Variants in PARD6G observed in about 807,000 individuals in gnomAD.
The protein encoded by PARD6G is partitioning defective 6 homolog gamma.
In PARD6G, 7 loss-of-function variants were observed where a neutral mutation model predicts 10.7. That is an observed-to-expected ratio of 0.66 (90% confidence interval 0.37 to 1.23). The LOEUF is 1.23. Ranked by LOEUF, PARD6G falls within the 50% of genes most tolerant of loss-of-function variation. The pLI, the probability that PARD6G is intolerant of heterozygous loss-of-function variation, is 0.02. For synonymous variants in PARD6G, 287 were observed against 269.4 expected (o/e 1.07, Z -0.64); for missense variants, 548 against 571.8 (o/e 0.96, Z 0.42).
intron 1 of PARD6G, among the ~76,000 whole-genome samples, chr18:80,209,613 C>G (rs914813852): frequency 6.6e-6 from 1 of 152,128 alleles, no homozygotes; most frequent in African/African-American, 2.4e-5. Context: ...GAGTTTGATA[C>G]CAGCCTGGGC....
At position 80,195,423 on chromosome 18, in the gene PARD6G, C is replaced by T. The variant is rs572160657; in HGVS notation, c.295+7287G>A. On this transcript the variant is annotated intron_variant, in intron 2 of 2. Coordinates refer to ENST00000353265, the MANE Select transcript of PARD6G (RefSeq NM_032510.4). ...TACCTGGCCCCCCTCGGTGCTATTC[C>T]GGCAGGAAAGCAGCCTCCCCCTGCA... Among the ~76,000 whole-genome samples, 11 of 151,540 alleles carry T rather than the reference C, an allele frequency of 7.3e-5. No homozygotes were observed. The South Asian group carries it at 8.4e-4, about 12-fold the overall frequency.
chr18:80,222,547 A>C (rs1967243248), intron 1 of PARD6G, among the ~76,000 whole-genome samples: 1 of 152,186 alleles, frequency 6.6e-6, no homozygotes, highest in Non-Finnish European at 1.5e-5. Context: ...AAAACGAAAA[A>C]CATAGTTGAA....
chr18:80,202,379 G>A lies in PARD6G; in HGVS notation c.295+331C>T, dbSNP rs1005520625. Among the ~76,000 whole-genome samples, 4 of 152,162 alleles carry A rather than the reference G, an allele frequency of 2.6e-5. 1 individual carries two copies. Among genetic ancestry groups the A allele is most frequent in the Non-Finnish European group, 4.4e-5 (3 of 68,038 alleles). ...TCCCTCCTCCTAACAAGATGATGGA[G>A]GGCATGCACCGTAACCCCAAGTTTC... On this transcript the variant is annotated intron_variant, in intron 2 of 2. Coordinates refer to ENST00000353265, the MANE Select transcript of PARD6G (RefSeq NM_032510.4).
At chr18:80,242,361 G>A (rs1036011548) in intron 1 of PARD6G, among the ~76,000 whole-genome samples, 28 of 152,192 alleles carry the variant, frequency 1.8e-4, no homozygotes, top group African/African-American at 6.8e-4. Flanking sequence ...GCCACCCAAT[G>A]GGGAGGCCTG....
At chr18:80,193,942 A>G (rs1316865001) in intron 2 of PARD6G, among the ~76,000 whole-genome samples, 1 of 152,224 alleles carries the variant, frequency 6.6e-6, no homozygotes, top group African/African-American at 2.4e-5. Flanking sequence ...GATGTGCTGC[A>G]CATGGTGACC....
chr18:80,180,072 G>A lies in PARD6G; in HGVS notation c.296-19466C>T, dbSNP rs554573754. On this transcript the variant is annotated intron_variant, in intron 2 of 2. Coordinates refer to ENST00000353265, the MANE Select transcript of PARD6G (RefSeq NM_032510.4). This position sits in a 1 kb window ranked among gnomAD's most constrained non-coding sequence, Gnocchi z 5.6. ...CGAAAGTTCAGTGGTCTGCAGAGAG[G>A]AGAGGAAAGGGGAAGCTGAATGTCC... is the stretch of plus-strand genomic sequence containing the variant. Among the ~76,000 whole-genome samples, 1 of 152,362 alleles carries A rather than the reference G, an allele frequency of 6.6e-6. No individual in the cohort carries two copies. Among genetic ancestry groups the A allele is most frequent in the African/African-American group, 2.4e-5 (1 of 41,594 alleles).
At chr18:80,164,900 A>G (rs2052725106) in intron 2 of PARD6G, among the ~76,000 whole-genome samples, 1 of 152,200 alleles carries the variant, frequency 6.6e-6, no homozygotes, top group Non-Finnish European at 1.5e-5. Context: ...ACGTACTAAT[A>G]ACGGTCTAAC....
At chr18:80,221,510 A>G (rs1299016432) in intron 1 of PARD6G, among the ~76,000 whole-genome samples, 2 of 152,220 alleles carry the variant, frequency 1.3e-5, no homozygotes, top group Non-Finnish European at 2.9e-5. Context: ...ACACTCTTTT[A>G]TGATTAAAAA....
chr18:80,181,824 TGAAGC>T lies in PARD6G; in HGVS notation c.295+20881_295+20885del, dbSNP rs1427327482. On this transcript the variant is annotated intron_variant, in intron 2 of 2. Coordinates refer to ENST00000353265, the MANE Select transcript of PARD6G (RefSeq NM_032510.4). The surrounding 1 kb of genome is among the most constrained non-coding windows in gnomAD (Gnocchi z 7.9). Reference sequence around the variant, plus strand: ...GCATGTGTGGGGACAGGCAGCTGGATGAAGCACCTCAGAGATCCACTGCCCAAGGC... The same window carrying T: ...GCATGTGTGGGGACAGGCAGCTGGATACCTCAGAGATCCACTGCCCAAGGC... Among the ~76,000 whole-genome samples, 1 of 152,036 alleles carries T rather than the reference TGAAGC, an allele frequency of 6.6e-6. No individual in the cohort carries two copies. The highest frequency in any genetic ancestry group is 1.9e-4 in the East Asian group (1 of 5,176).
intron 1 of PARD6G, among the ~76,000 whole-genome samples, chr18:80,230,492 C>T (rs532743398): frequency 6.6e-6 from 1 of 152,326 alleles, no homozygotes; most frequent in South Asian, 2.1e-4. Context: ...TGAGGTGGAG[C>T]CTGGCGCCTG....
At chr18:80,242,778 A>G (rs1967504644) in intron 1 of PARD6G, among the ~76,000 whole-genome samples, 1 of 152,248 alleles carries the variant, frequency 6.6e-6, no homozygotes, top group African/African-American at 2.4e-5. Context: ...ATACACAAAT[A>G]GCCAATAAAT....
At chr18:80,209,896 C>G (rs1489537143) in intron 1 of PARD6G, among the ~76,000 whole-genome samples, 2 of 152,190 alleles carry the variant, frequency 1.3e-5, no homozygotes, top group Non-Finnish European at 2.9e-5. Flanking sequence ...CATCATTATA[C>G]TATAAATAGA....
intron 1 of PARD6G, among the ~76,000 whole-genome samples, chr18:80,209,257 T>C (rs944452408): frequency 3.3e-5 from 5 of 152,160 alleles, no homozygotes; most frequent in Admixed American, 2.6e-4. Context: ...TATGTAAGCC[T>C]ATGAATCCCA....
chr18:80,247,179 CT>C lies in PARD6G; in HGVS notation c.72+97del, dbSNP rs1488098992. ...CGAACTGGAAAGTTGTCGCCGGCGC[CT>C]GTCGCCTCCACGCCGCCCCAGTCCC... On this transcript the variant is annotated intron_variant, in intron 1 of 2. Coordinates refer to ENST00000353265, the MANE Select transcript of PARD6G (RefSeq NM_032510.4). The surrounding 1 kb of genome is among the most constrained non-coding windows in gnomAD (Gnocchi z 4.2). 1.0e-6 allele frequency: 1 copy of C among 965,150 alleles called. No individual in the cohort carries two copies. Among genetic ancestry groups the C allele is most frequent in the African/African-American group, 1.7e-5 (1 of 57,264 alleles). The allele number at this position is 965,150 out of a possible 1,614,324, so 59.8% of individuals were successfully genotyped here.
chr18:80,171,797 A>T (rs1286592673), intron 2 of PARD6G: 1 of 152,190 alleles, frequency 6.6e-6, no homozygotes, highest in Non-Finnish European at 1.5e-5. Flanking sequence ...TTGTATAAGG[A>T]GTTCAGTATT....
chr18:80,246,655 C>G lies in PARD6G; in HGVS notation c.72+622G>C, dbSNP rs1162760451. On this transcript the variant is annotated intron_variant, in intron 1 of 2. Transcript: ENST00000353265. This position sits in a 1 kb window ranked among gnomAD's most constrained non-coding sequence, Gnocchi z 6.7. ...TGGGGGTGGGGTGGGGTGTCTGGCC[C>G]GGGGACGCGCCCGGGGAGGCGTGGT... 3.3e-5 allele frequency among the ~76,000 whole-genome samples: 3 copies of G among 91,560 alleles called. No individual in the cohort carries two copies. The highest frequency in any genetic ancestry group is 6.7e-5 in the Non-Finnish European group (3 of 44,866). The allele number at this position is 91,560 out of a possible 152,430, so 60.1% of individuals were successfully genotyped here.
chr18:80,247,266 G>A lies in PARD6G; in HGVS notation c.72+11C>T. 1 of 1,570,492 alleles carries A rather than the reference G, an allele frequency of 6.4e-7. No individual in the cohort carries two copies. The highest frequency in any genetic ancestry group is 1.4e-5 in the African/African-American group (1 of 71,196). ...TGGGCGCAGGGCCGCCGGGGCGGGC[G>A]GGGGGCTTACCTTGCTCTTGACTTC... On this transcript the variant is annotated intron_variant, in intron 1 of 2. Transcript: ENST00000353265. This position sits in a 1 kb window ranked among gnomAD's most constrained non-coding sequence, Gnocchi z 4.2.
At chr18:80,195,572 T>TACAC (rs10539423) in intron 2 of PARD6G, among the ~76,000 whole-genome samples, 1 of 87,326 alleles carries the variant, frequency 1.1e-5, no homozygotes, top group Non-Finnish European at 2.2e-5. Context: ...TATATATATA[T>TACAC]ACACACATTT....
chr18:80,179,455 C>T (rs560701319), intron 2 of PARD6G, among the ~76,000 whole-genome samples: 1 of 152,298 alleles, frequency 6.6e-6, no homozygotes, highest in Admixed American at 6.5e-5. Flanking sequence ...GGCCACTGGC[C>T]CCCAAATCCA....
Sources: allele counts gnomAD v4.1 joint callset (sites outside exome capture counted in the v4.1 genomes callset), GRCh38; gene constraint gnomAD v4.1.1; non-coding constraint Gnocchi (gnomAD v3.1); transcripts MANE v1.5; gene names NCBI Gene and HGNC (gene_info 2026-07-23, HGNC 2026-07-21).